The following GARIN3 variants were observed in gnomAD, a reference collection of about 807,000 sequenced individuals.
GARIN3 encodes Golgi-associated RAB2 interactor protein 3.
At chr5:157,162,336 T>C in the GARIN3 span, 1 of 1,453,780 alleles carries the variant, frequency 6.9e-7, no homozygotes. Flanking sequence ...ATTGTATTTC[T>C]TTTGGAGTTG....
chr5:157,165,688 G>A, the GARIN3 span: 64 of 1,614,182 alleles, frequency 4.0e-5, no homozygotes, highest in East Asian at 4.0e-4. Flanking sequence ...AGATCTTCCC[G>A]TGTGTCAGAA....
chr5:157,162,267 A>G, the GARIN3 span: 1 of 916,482 alleles, frequency 1.1e-6, no homozygotes, highest in Non-Finnish European at 1.6e-6. Context: ...CATAGCCACC[A>G]TCACAGAAGC....
chr5:157,165,533 C>T, the GARIN3 span: 1 of 1,574,434 alleles, frequency 6.4e-7, no homozygotes, highest in Non-Finnish European at 8.6e-7. Flanking sequence ...AAGAACCTGC[C>T]CCATGTTCTC....
chr5:157,163,108 G>T, the GARIN3 span: 9 of 1,614,222 alleles, frequency 5.6e-6, no homozygotes, highest in Non-Finnish European at 7.6e-6. Flanking sequence ...TCTTTCTGCT[G>T]CACACTTGCT....
chr5:157,166,078 G>A, the GARIN3 span: 2 of 1,614,068 alleles, frequency 1.2e-6, no homozygotes, highest in African/African-American at 1.3e-5. Context: ...TTGTACAATT[G>A]TCGTTGCAGG....
chr5:157,163,974 T>C, the GARIN3 span, among the ~76,000 whole-genome samples: 3 of 151,988 alleles, frequency 2.0e-5, no homozygotes, highest in East Asian at 5.8e-4. Flanking sequence ...GGAGTATCGC[T>C]TGAACTCAGA....
chr5:157,163,348 G>A, the GARIN3 span: 5 of 1,614,000 alleles, frequency 3.1e-6, no homozygotes, highest in South Asian at 1.1e-5. Flanking sequence ...CACTTGACCT[G>A]GGCCTGCAGA....
At chr5:157,162,000 C>T in the GARIN3 span, 1 of 176,840 alleles carries the variant, frequency 5.7e-6, no homozygotes, top group African/African-American at 2.4e-5. Flanking sequence ...TGAATATCCC[C>T]TGAGGGGATG....
At chr5:157,163,511 T>C in the GARIN3 span, 8 of 1,614,146 alleles carry the variant, frequency 5.0e-6, no homozygotes, top group Non-Finnish European at 6.8e-6. Context: ...GGAGTGCTCG[T>C]GGATGGAGAA....
At chr5:157,163,743 T>G in the GARIN3 span, 1 of 1,494,246 alleles carries the variant, frequency 6.7e-7, no homozygotes, top group Non-Finnish European at 9.0e-7. Flanking sequence ...ATCCTGGAGT[T>G]AATTCAAGGG....
At chr5:157,166,135 C>T in the GARIN3 span, 1 of 1,613,836 alleles carries the variant, frequency 6.2e-7, no homozygotes, top group Non-Finnish European at 8.5e-7. Flanking sequence ...TAGCTGTGGG[C>T]TGTGTAATAA....
chr5:157,163,329 C>G, the GARIN3 span: 2 of 1,614,000 alleles, frequency 1.2e-6, no homozygotes, highest in Non-Finnish European at 1.7e-6. Context: ...CTCCCGCCAG[C>G]GCTGTGGTCA....
chr5:157,162,182 A>G, the GARIN3 span: 4 of 515,802 alleles, frequency 7.8e-6, no homozygotes, highest in Admixed American at 3.7e-5. Flanking sequence ...AAAGCTGAAC[A>G]CTCACGTTGG....
At chr5:157,165,102 A>C in the GARIN3 span, among the ~76,000 whole-genome samples, 3 of 152,176 alleles carry the variant, frequency 2.0e-5, no homozygotes. Flanking sequence ...AGGGATGGGA[A>C]ATTACTTAGT....
At chr5:157,165,722 A>G in the GARIN3 span, 24 of 1,614,218 alleles carry the variant, frequency 1.5e-5, no homozygotes, top group Non-Finnish European at 1.9e-5. Context: ...GCAGATAAAA[A>G]GTACGGCCAG....
chr5:157,164,205 A>C, the GARIN3 span, among the ~76,000 whole-genome samples: 1 of 138,322 alleles, frequency 7.2e-6, no homozygotes, highest in Non-Finnish European at 1.5e-5. Context: ...GCTAGAGTGC[A>C]GTGGCACGAT....
the GARIN3 span, among the ~76,000 whole-genome samples, chr5:157,165,269 G>A: frequency 6.6e-6 from 1 of 152,186 alleles, no homozygotes; most frequent in African/African-American, 2.4e-5. Context: ...GGGGTATTAA[G>A]TGTTCAAGAA....
chr5:157,162,350 G>C, the GARIN3 span: 1 of 1,484,202 alleles, frequency 6.7e-7, no homozygotes, highest in East Asian at 2.3e-5. Flanking sequence ...GGAGTTGTAC[G>C]ATTTCCTTTA....
the GARIN3 span, chr5:157,163,680 C>G: frequency 3.8e-6 from 6 of 1,598,664 alleles, no homozygotes; most frequent in Non-Finnish European, 5.1e-6. Context: ...GGAAGAGAAA[C>G]AGATGAGATT....
Sources: allele counts gnomAD v4.1 joint callset (sites outside exome capture counted in the v4.1 genomes callset), GRCh38; gene constraint gnomAD v4.1.1; transcripts MANE v1.5; gene names NCBI Gene and HGNC (gene_info 2026-07-23, HGNC 2026-07-21).